Variants in KCNK1 observed in about 807,000 individuals in gnomAD.
KCNK1 encodes potassium channel subfamily K member 1.
Under a neutral mutation model 22.2 loss-of-function variants are expected in KCNK1, and 10 were observed. The ratio of observed to expected loss-of-function variants is 0.45; its 90% confidence interval spans 0.28 to 0.76. KCNK1 has a LOEUF of 0.76. KCNK1 is among the 30% of genes least tolerant of loss of function. The pLI is 0.14. For missense variants in KCNK1, 378 were observed against 421.0 expected (o/e 0.90, Z 0.89); for synonymous variants, 200 against 186.4 (o/e 1.07, Z -0.60).
intron 2 of KCNK1, among the ~76,000 whole-genome samples, chr1:233,669,601 A>G (rs555333125): frequency 6.6e-6 from 1 of 152,290 alleles, no homozygotes; most frequent in African/African-American, 2.4e-5. Context: ...TAATCATAGT[A>G]CTTTGGGAGA....
intron 1 of KCNK1, among the ~76,000 whole-genome samples, chr1:233,616,919 C>T (rs2102879337): frequency 6.6e-6 from 1 of 152,272 alleles, no homozygotes; most frequent in Non-Finnish European, 1.5e-5. Context: ...TTGCTGGAAG[C>T]AGACAATTTT....
At chr1:233,651,921 T>A (rs1439910626) in intron 1 of KCNK1, among the ~76,000 whole-genome samples, 1 of 152,246 alleles carries the variant, frequency 6.6e-6, no homozygotes, top group African/African-American at 2.4e-5. Flanking sequence ...AACCCTCTTA[T>A]TCCTATTCTC....
intron 1 of KCNK1, among the ~76,000 whole-genome samples, chr1:233,628,460 G>A (rs1287665522): frequency 1.3e-5 from 2 of 152,116 alleles, no homozygotes; most frequent in African/African-American, 4.8e-5. Context: ...CAAAAGAATT[G>A]TAACAATTTA....
Position 233,614,402 on chromosome 1 carries a change from G to T in KCNK1, c.231G>T (p.Gln77His). 1 of 1,612,018 alleles carries T rather than the reference G, an allele frequency of 6.2e-7. No homozygotes were observed. Among genetic ancestry groups the T allele is most frequent in the African/African-American group, 1.3e-5 (1 of 75,022 alleles). ...HECLSEQQLE[Q>H]FLGRVLEASN... ...GCCTGTCTGAGCAGCAGCTGGAGCAGTTCCTGGGCCGGGTGCTGGAGGCCA... is the reference window on the plus strand; with the variant it reads ...GCCTGTCTGAGCAGCAGCTGGAGCATTTCCTGGGCCGGGTGCTGGAGGCCA... The change falls in exon 1 of 3, where the codon CAG (glutamine) becomes CAT (histidine). Residue 77 changes from glutamine (Q) to histidine (H), a missense_variant. Transcript: ENST00000366621.
Position 233,656,744 on chromosome 1 carries a change from G to A in KCNK1, c.356-9851G>A, listed in dbSNP as rs146858094. ...ATTGATCCTCCCACCTCAGCCTCCCGAATAGCTGGGACTACTGGCACATGC... is the reference window on the plus strand; with the variant it reads ...ATTGATCCTCCCACCTCAGCCTCCCAAATAGCTGGGACTACTGGCACATGC... On this transcript the variant is annotated intron_variant, in intron 1 of 2. Coordinates refer to ENST00000366621, the MANE Select transcript of KCNK1 (RefSeq NM_002245.4). Among the ~76,000 whole-genome samples the A allele has an allele frequency of 8.2e-3, 1,244 of 152,186 alleles. 16 individuals are homozygous for A. The highest frequency in any genetic ancestry group is 0.025 in the African/African-American group (1,044 of 41,536).
intron 1 of KCNK1, chr1:233,629,554 A>C (rs1657754658): frequency 6.6e-6 from 1 of 152,170 alleles, no homozygotes; most frequent in Admixed American, 6.6e-5. Context: ...CAGATCTGGC[A>C]CTTGAGTCAG....
chr1:233,659,588 C>T (rs116334605), intron 1 of KCNK1, among the ~76,000 whole-genome samples: 457 of 151,728 alleles, frequency 3.0e-3, no homozygotes, highest in Middle Eastern at 0.01. Flanking sequence ...ACACTATAAT[C>T]GTATGTGCTA....
intron 1 of KCNK1, among the ~76,000 whole-genome samples, chr1:233,661,036 T>G (rs1248679334): frequency 6.6e-6 from 1 of 152,216 alleles, no homozygotes; most frequent in Non-Finnish European, 1.5e-5. Flanking sequence ...GAAATTGTTA[T>G]GAAGGTTCAC....
chr1:233,660,457 T>C (rs1213282050), intron 1 of KCNK1: 1 of 152,266 alleles, frequency 6.6e-6, no homozygotes, highest in African/African-American at 2.4e-5. Flanking sequence ...GTTTCATGTT[T>C]GTTTGTCACA....
At chr1:233,668,117 C>T (rs1338476297) in intron 2 of KCNK1, among the ~76,000 whole-genome samples, 1 of 152,056 alleles carries the variant, frequency 6.6e-6, no homozygotes, top group Admixed American at 6.5e-5. Context: ...CTGTGTGAGC[C>T]CTCCTGTCCT....
At chr1:233,663,830 T>C (rs1462521275) in intron 1 of KCNK1, among the ~76,000 whole-genome samples, 1 of 150,294 alleles carries the variant, frequency 6.7e-6, no homozygotes, top group East Asian at 2.0e-4. Flanking sequence ...TTCAGTTGGC[T>C]TTTTTTTTGC....
chr1:233,654,233 A>C (rs1571901321), intron 1 of KCNK1, among the ~76,000 whole-genome samples: 1 of 152,192 alleles, frequency 6.6e-6, no homozygotes, highest in African/African-American at 2.4e-5. Flanking sequence ...GCATCAGGAC[A>C]AATACCTAAT....
At chr1:233,633,859 A>G (rs904357876) in intron 1 of KCNK1, among the ~76,000 whole-genome samples, 11 of 152,216 alleles carry the variant, frequency 7.2e-5, no homozygotes, top group African/African-American at 1.7e-4. Context: ...AGCCTCTAGC[A>G]TGAGGGAGTG....
At chr1:233,652,724 C>T (rs941689858) in intron 1 of KCNK1, among the ~76,000 whole-genome samples, 3 of 152,176 alleles carry the variant, frequency 2.0e-5, no homozygotes, top group Non-Finnish European at 2.9e-5. Context: ...CTTTCAAGCA[C>T]GTCTCCCCTG....
chr1:233,634,339 A>G (rs934554254), intron 1 of KCNK1, among the ~76,000 whole-genome samples: 6 of 151,744 alleles, frequency 4.0e-5, no homozygotes, highest in Non-Finnish European at 7.4e-5. Context: ...AAAAAGAAAA[A>G]GAAAATACAT....
intron 1 of KCNK1, among the ~76,000 whole-genome samples, chr1:233,614,789 TG>T (rs1168119786): frequency 2.6e-5 from 4 of 152,086 alleles, no homozygotes; most frequent in Non-Finnish European, 5.9e-5. Context: ...AGACGTGACT[TG>T]GTTGTTGCCG....
chr1:233,652,654 G>A (rs1658222469), intron 1 of KCNK1, among the ~76,000 whole-genome samples: 1 of 152,148 alleles, frequency 6.6e-6, no homozygotes, highest in African/African-American at 2.4e-5. Flanking sequence ...GGTTTCAGGA[G>A]CTCATGCTGT....
At chr1:233,652,294 T>C (rs1658213940) in intron 1 of KCNK1, among the ~76,000 whole-genome samples, 1 of 152,122 alleles carries the variant, frequency 6.6e-6, no homozygotes, top group Non-Finnish European at 1.5e-5. Context: ...TCTCCAGCTT[T>C]TGTTTTCTAC....
chr1:233,621,748 A>G (rs570217281), intron 1 of KCNK1, among the ~76,000 whole-genome samples: 15 of 152,212 alleles, frequency 9.9e-5, no homozygotes, highest in Admixed American at 3.9e-4. Context: ...TTAACTATAA[A>G]TTTGTTATTA....
Sources: gnomAD v4.1 joint callset for allele counts (sites outside exome capture counted in the v4.1 genomes callset) on GRCh38, gnomAD v4.1.1 for gene constraint, MANE v1.5 for transcripts, NCBI Gene and HGNC (gene_info 2026-07-23, HGNC 2026-07-21) for gene names.